Variants in CRTC1 observed in about 807,000 individuals in gnomAD.
CRTC1 encodes the protein CREB regulated transcription coactivator 1, also known as CREB-regulated transcription coactivator 1.
CRTC1 carries 18 observed loss-of-function variants against 66.1 expected under a neutral mutation model. The observed-to-expected ratio is 0.27, with a 90% CI of 0.19 to 0.40. The LOEUF is 0.40. Ranked by LOEUF, CRTC1 falls within the 10% of genes least tolerant of loss-of-function variation. The pLI is 1.00. For missense variants in CRTC1, 669 were observed against 887.9 expected (o/e 0.75, Z 3.13); for synonymous variants, 416 against 398.8 (o/e 1.04, Z -0.51).
intron 5 of CRTC1, among the ~76,000 whole-genome samples, chr19:18,751,306 A>C (rs1364178969): frequency 1.3e-5 from 2 of 152,032 alleles, no homozygotes; most frequent in African/African-American, 2.4e-5. Flanking sequence ...GGTGGATCAC[A>C]AGGCCAGGAG....
chr19:18,737,374 C>T (rs989989976), intron 1 of CRTC1, among the ~76,000 whole-genome samples: 1 of 152,108 alleles, frequency 6.6e-6, no homozygotes, highest in African/African-American at 2.4e-5. Context: ...CTCCCACGTG[C>T]CTCCACTGAT....
At chr19:18,727,580 C>CAAAAAAAAAAAAAAAAAAAAAAAA (rs60907638) in intron 1 of CRTC1, among the ~76,000 whole-genome samples, 1 of 51,814 alleles carries the variant, frequency 1.9e-5, no homozygotes, top group Non-Finnish European at 3.4e-5. Flanking sequence ...GACTCTGTCT[C>CAAAAAAAAAAAAAAAAAAAAAAAA]AAAAAAAAAA....
At chr19:18,761,981 G>A (rs1293864653) in intron 8 of CRTC1, among the ~76,000 whole-genome samples, 1 of 152,188 alleles carries the variant, frequency 6.6e-6, no homozygotes, top group East Asian at 1.9e-4. Context: ...AAACACAGCC[G>A]ATTCGGAGGA....
At chr19:18,759,654 G>A (rs2054569503) in intron 7 of CRTC1, 63 bp downstream of exon 7, 10 of 1,561,412 alleles carry the variant, frequency 6.4e-6, no homozygotes, top group Non-Finnish European at 8.7e-6. Context: ...CCACCCTGGG[G>A]CATTCTGTCC....
At position 18,777,062 on chromosome 19, in the gene CRTC1, G is replaced by A; in HGVS notation, c.1694-109G>A. The A allele has an allele frequency of 1.5e-6, 1 of 673,708 alleles. No individual in the cohort carries two copies. Among genetic ancestry groups the A allele is most frequent in the Non-Finnish European group, 2.6e-6 (1 of 377,682 alleles). 41.7% of individuals were successfully genotyped at this position (673,708 alleles called of 1,614,324 possible). A position where few individuals can be genotyped will look rare whatever the true frequency, so the allele number is the denominator to read the frequency against. ...GCTGGAATGTCCCCAGACATTGCCAGCATACCCAGGGGACAGAGTCGCCCG... is the reference window on the plus strand; with the variant it reads ...GCTGGAATGTCCCCAGACATTGCCAACATACCCAGGGGACAGAGTCGCCCG... On this transcript the variant is annotated intron_variant, in intron 13 of 13. Coordinates refer to ENST00000321949, the MANE Select transcript of CRTC1 (RefSeq NM_015321.3). The surrounding 1 kb of genome is among the most constrained non-coding windows in gnomAD (Gnocchi z 5.5).
rs2055075617 is a variant in CRTC1 at position 18,780,156 on chromosome 19, A to G, written c.*2774A>G. 8.6e-6 allele frequency: 2 copies of G among 231,878 alleles called. No individual in the cohort carries two copies. Among genetic ancestry groups the G allele is most frequent in the South Asian group, 1.8e-4 (1 of 5,526 alleles). The allele number at this position is 231,878 out of a possible 1,614,324, so 14.4% of individuals were successfully genotyped here. On this transcript the variant is annotated 3_prime_UTR_variant, in exon 14 of 14. Transcript: ENST00000321949. ...CCCACGTGGGGAGGTTGCGCCGTGT[A>G]CATAGACCCGCCGTCTGTGTCCTTG...
At chr19:18,713,546 T>TGCACCTTAGGCGTCCTCCTCGTGCCCC (rs1555778326) in intron 1 of CRTC1, among the ~76,000 whole-genome samples, 26 of 150,084 alleles carry the variant, frequency 1.7e-4, no homozygotes, top group Non-Finnish European at 1.0e-4. Flanking sequence ...GCTGAGGCCC[T>TGCACCTTAGGCGTCCTCCTCGTGCCCC]GCACCCTTAG....
At chr19:18,698,945 A>G (rs908911062) in intron 1 of CRTC1, among the ~76,000 whole-genome samples, 1 of 151,580 alleles carries the variant, frequency 6.6e-6, no homozygotes, top group African/African-American at 2.4e-5. Flanking sequence ...GGCGCTCAGC[A>G]GGTGCATAAT....
intron 6 of CRTC1, among the ~76,000 whole-genome samples, chr19:18,758,547 G>T (rs916219065): frequency 6.6e-6 from 1 of 152,004 alleles, no homozygotes; most frequent in Non-Finnish European, 1.5e-5. Context: ...TCATGCTGAG[G>T]GCTACCCAAG....
intron 1 of CRTC1, among the ~76,000 whole-genome samples, chr19:18,723,246 A>G (rs1436642926): frequency 6.6e-6 from 1 of 152,196 alleles, no homozygotes; most frequent in Admixed American, 6.5e-5. Flanking sequence ...TGCCCGGCCT[A>G]CAATCATATT....
At position 18,777,002 on chromosome 19, in the gene CRTC1, C is replaced by T. The variant is rs998791236; in HGVS notation, c.1694-169C>T. On this transcript the variant is annotated intron_variant, in intron 13 of 13. Transcript: ENST00000321949. The surrounding 1 kb of genome is among the most constrained non-coding windows in gnomAD (Gnocchi z 5.5). ...CCAGGCACTGTAGGGTGCTGAGCAG[C>T]ATCTCATGTGCTGGCCCCTCCCCCA... 6.6e-6 allele frequency among the ~76,000 whole-genome samples: 1 copy of T among 152,214 alleles called. No homozygotes were observed. Among genetic ancestry groups the T allele is most frequent in the African/African-American group, 2.4e-5 (1 of 41,452 alleles).
chr19:18,750,911 G>T (rs1008449454), intron 5 of CRTC1, among the ~76,000 whole-genome samples: 1 of 152,200 alleles, frequency 6.6e-6, no homozygotes, highest in Non-Finnish European at 1.5e-5. Context: ...TGAGGCTGCT[G>T]CCTGTCCTAC....
At position 18,768,594 on chromosome 19, in the gene CRTC1, C is replaced by T. The variant is rs1454319435; in HGVS notation, c.1121C>T (p.Pro374Leu). The T allele has an allele frequency of 2.6e-6, 4 of 1,552,110 alleles. No homozygotes were observed. Among genetic ancestry groups the T allele is most frequent in the Admixed American group, 1.9e-5 (1 of 53,316 alleles). Residue 374 changes from proline (P) to leucine (L), a missense_variant, in exon 10 of 14, where the codon CCA becomes CTA. Around this residue, in one of 8 missense-constraint regions of CRTC1, gnomAD observed 241 missense variants for 242.2 expected, o/e 0.99. Transcript: ENST00000321949. The surrounding 1 kb of genome is among the most constrained non-coding windows in gnomAD (Gnocchi z 5.6). ...PPQPQPPPPP[P>L]PASQQPPPPP... ...CAGCCCCAGCCCCCGCCGCCTCCTCCACCCGCGTCCCAGCAGCCACCACCC... is the reference window on the plus strand; with the variant it reads ...CAGCCCCAGCCCCCGCCGCCTCCTCTACCCGCGTCCCAGCAGCCACCACCC...
At chr19:18,708,452 T>G (rs1328358110) in intron 1 of CRTC1, among the ~76,000 whole-genome samples, 1 of 152,068 alleles carries the variant, frequency 6.6e-6, no homozygotes, top group Admixed American at 6.5e-5. Context: ...CTGGCTTCTG[T>G]ATCAGCATCA....
At position 18,745,755 on chromosome 19, in the gene CRTC1, G is replaced by A. The variant is rs553738335; in HGVS notation, c.244-68G>A. Reference sequence around the variant, plus strand: ...CCTGCGATCAGACTCTGGGGCCAGCGCTGGGGCCACAGCTGGTAACCATTG... The same window carrying A: ...CCTGCGATCAGACTCTGGGGCCAGCACTGGGGCCACAGCTGGTAACCATTG... On this transcript the variant is annotated intron_variant, in intron 2 of 13. Coordinates refer to ENST00000321949, the MANE Select transcript of CRTC1 (RefSeq NM_015321.3). The A allele has an allele frequency of 1.2e-5, 19 of 1,598,182 alleles. No homozygotes were observed. In the African/African-American group the frequency reaches 1.7e-4, roughly 15 times the overall value.
At chr19:18,727,374 G>A (rs1318907718) in intron 1 of CRTC1, among the ~76,000 whole-genome samples, 1 of 151,930 alleles carries the variant, frequency 6.6e-6, no homozygotes, top group Non-Finnish European at 1.5e-5. Flanking sequence ...GAGGTCAGGA[G>A]ATCGAGACCA....
Position 18,777,129 on chromosome 19 carries a change from C to A in CRTC1, c.1694-42C>A. 8.8e-7 allele frequency: 1 copy of A among 1,141,152 alleles called. No homozygotes were observed. Among genetic ancestry groups the A allele is most frequent in the Non-Finnish European group, 1.3e-6 (1 of 762,136 alleles). 70.7% of individuals were successfully genotyped at this position (1,141,152 alleles called of 1,614,324 possible). On this transcript the variant is annotated intron_variant, in intron 13 of 13. Coordinates refer to ENST00000321949, the MANE Select transcript of CRTC1 (RefSeq NM_015321.3). The surrounding 1 kb of genome is among the most constrained non-coding windows in gnomAD (Gnocchi z 5.5). ...CGACACATGGATGCGAGCGATGGAG[C>A]CAGGGCTAAGCAGTGCCTTTTGTCC... is the stretch of plus-strand genomic sequence containing the variant.
intron 2 of CRTC1, among the ~76,000 whole-genome samples, chr19:18,743,870 A>G (rs758424189): frequency 1.1e-4 from 16 of 152,148 alleles, no homozygotes; most frequent in Non-Finnish European, 1.9e-4. Context: ...CTTCCTGGCC[A>G]GGTTTTCTCC....
intron 1 of CRTC1, among the ~76,000 whole-genome samples, chr19:18,687,047 G>A (rs1414179928): frequency 8.9e-6 from 1 of 112,848 alleles, no homozygotes; most frequent in Non-Finnish European, 1.7e-5. Context: ...ATAGACTCTT[G>A]CTCTGTTGCC....
Sources: gnomAD v4.1 joint callset for allele counts (sites outside exome capture counted in the v4.1 genomes callset) on GRCh38, gnomAD v4.1.1 for gene constraint, gnomAD v4.1.1 regional missense constraint, Gnocchi (gnomAD v3.1) non-coding constraint, MANE v1.5 for transcripts, NCBI Gene and HGNC (gene_info 2026-07-23, HGNC 2026-07-21) for gene names.